ESRRB: variants seen among roughly 807,000 people sequenced by gnomAD.
The protein encoded by ESRRB is estrogen related receptor beta, also known as steroid hormone receptor ERR2.
Under a neutral mutation model 46.0 loss-of-function variants are expected in ESRRB, and 16 were observed. That is an observed-to-expected ratio of 0.35 (90% CI 0.24 to 0.53). The LOEUF is 0.53. Ranked by LOEUF, ESRRB falls within the 20% of genes least tolerant of loss-of-function variation. ESRRB has a pLI of 0.93. For missense variants in ESRRB, 488 were observed against 607.4 expected (o/e 0.80, Z 2.07); for synonymous variants, 246 against 259.6 (o/e 0.95, Z 0.50).
intron 1 of ESRRB, among the ~76,000 whole-genome samples, chr14:76,384,118 T>C (rs1885123616): frequency 1.3e-5 from 2 of 152,284 alleles, no homozygotes; most frequent in Middle Eastern, 3.4e-3. Context: ...CTTTTGATGG[T>C]GAAACAGGAC....
chr14:76,450,032 G>A (rs1190531365), intron 2 of ESRRB, among the ~76,000 whole-genome samples: 1 of 152,026 alleles, frequency 6.6e-6, no homozygotes, highest in East Asian at 1.9e-4. Context: ...GGCTTGCATT[G>A]TAGGGGGAAA....
At chr14:76,426,661 C>T (rs1198498317) in intron 1 of ESRRB, among the ~76,000 whole-genome samples, 1 of 152,108 alleles carries the variant, frequency 6.6e-6, no homozygotes, top group Non-Finnish European at 1.5e-5. Flanking sequence ...TCCTTGAGGA[C>T]AGGGACCCAT....
At chr14:76,343,740 A>G (rs1884218056) in intron 1 of ESRRB, among the ~76,000 whole-genome samples, 2 of 152,236 alleles carry the variant, frequency 1.3e-5, no homozygotes, top group Admixed American at 1.3e-4. Context: ...CTAGCCTTGG[A>G]AATTATGCAT....
At position 76,446,596 on chromosome 14, in the gene ESRRB, A is replaced by T. The variant is rs1161485289; in HGVS notation, c.460+6846A>T. Among the ~76,000 whole-genome samples, 11 of 152,304 alleles carry T rather than the reference A, an allele frequency of 7.2e-5. No homozygotes were observed. In the South Asian group the frequency reaches 2.1e-3, roughly 29 times the overall value. On this transcript the variant is annotated intron_variant, in intron 2 of 6. Coordinates refer to ENST00000644823, the MANE Select transcript of ESRRB (RefSeq NM_001379180.1). ...CCCTGGAGGCATAGAAAAAACAGAC[A>T]TACTTAGGCAAAGCCACCACTCCTA...
intron 1 of ESRRB, among the ~76,000 whole-genome samples, chr14:76,328,749 C>T (rs1415572061): frequency 6.6e-6 from 1 of 152,122 alleles, no homozygotes; most frequent in Non-Finnish European, 1.5e-5. Flanking sequence ...CCTCATGCCT[C>T]CTCTTGCAGA....
intron 6 of ESRRB, among the ~76,000 whole-genome samples, chr14:76,495,081 T>C (rs1248767405): frequency 6.6e-6 from 1 of 151,824 alleles, no homozygotes; most frequent in Non-Finnish European, 1.5e-5. Context: ...CACCCACACA[T>C]ACACACACAT....
intron 1 of ESRRB, among the ~76,000 whole-genome samples, chr14:76,350,867 A>C (rs1318847318): frequency 5.3e-5 from 8 of 152,198 alleles, no homozygotes; most frequent in Admixed American, 5.2e-4. Context: ...CAGGCAGTAC[A>C]TCAGTGACAT....
At chr14:76,350,649 G>T (rs1884302954) in intron 1 of ESRRB, among the ~76,000 whole-genome samples, 1 of 152,198 alleles carries the variant, frequency 6.6e-6, no homozygotes, top group African/African-American at 2.4e-5. Flanking sequence ...GTCTCCCAGA[G>T]CCTGAAGCCC....
intron 1 of ESRRB, among the ~76,000 whole-genome samples, chr14:76,325,886 C>T (rs1447571290): frequency 6.6e-6 from 1 of 152,204 alleles, no homozygotes; most frequent in Non-Finnish European, 1.5e-5. Flanking sequence ...TGAGTGAATT[C>T]CTCTACTGCA....
chr14:76,351,954 G>A (rs10438169), intron 1 of ESRRB, among the ~76,000 whole-genome samples: 2 of 144,526 alleles, frequency 1.4e-5, no homozygotes, highest in African/African-American at 2.6e-5. Context: ...TACTGCACTC[G>A]AGCCTGGGAG....
upstream of ESRRB, among the ~76,000 whole-genome samples, chr14:76,372,581 C>T (rs933105220): frequency 1.3e-5 from 2 of 152,082 alleles, no homozygotes; most frequent in African/African-American, 4.8e-5. Context: ...CCTATAATTC[C>T]AGCACTTTGG....
chr14:76,332,018 C>T (rs922190580), intron 1 of ESRRB, among the ~76,000 whole-genome samples: 2 of 151,946 alleles, frequency 1.3e-5, no homozygotes, highest in Non-Finnish European at 2.9e-5. Flanking sequence ...TCTGTCCCCT[C>T]CCCAACCCCA....
chr14:76,418,109 C>T (rs1191742161), intron 1 of ESRRB, among the ~76,000 whole-genome samples: 3 of 151,934 alleles, frequency 2.0e-5, no homozygotes, highest in Admixed American at 6.6e-5. Flanking sequence ...ACGCCCGCCA[C>T]CATGCGTGGC....
Position 76,321,253 on chromosome 14 carries a change from A to G in ESRRB, c.2+10337A>G, listed in dbSNP as rs113344053. On this transcript the variant is annotated intron_variant, in intron 1 of 6. Coordinates refer to the ESRRB transcript ENST00000512784. ...GAACCCTTGATCTCAGGCCTTCCCTATAGTCTTCCACCCAAATTTCCCAGA... is the reference window on the plus strand; with the variant it reads ...GAACCCTTGATCTCAGGCCTTCCCTGTAGTCTTCCACCCAAATTTCCCAGA... Among the ~76,000 whole-genome samples the G allele has an allele frequency of 9.8e-3, 1,486 of 152,236 alleles. 20 individuals carry two copies. The highest frequency in any genetic ancestry group is 0.031 in the African/African-American group (1,286 of 41,526).
chr14:76,332,768 AT>A (rs1321641637), intron 1 of ESRRB, among the ~76,000 whole-genome samples: 2 of 19,030 alleles, frequency 1.1e-4, no homozygotes, highest in South Asian at 2.5e-3. Context: ...TAAATATATA[AT>A]ATATATTATA....
chr14:76,366,829 G>A (rs1471851357), upstream of ESRRB, among the ~76,000 whole-genome samples: 1 of 152,178 alleles, frequency 6.6e-6, no homozygotes, highest in Non-Finnish European at 1.5e-5. Flanking sequence ...GTAGGTGGGT[G>A]GGTGGATGGT....
chr14:76,320,629 T>C (rs895707532), intron 1 of ESRRB, among the ~76,000 whole-genome samples: 5 of 152,190 alleles, frequency 3.3e-5, no homozygotes, highest in Non-Finnish European at 7.4e-5. Context: ...CAAAAGTAGA[T>C]GCCAACCCCC....
chr14:76,392,718 G>A (rs1595073924), intron 1 of ESRRB, among the ~76,000 whole-genome samples: 1 of 152,386 alleles, frequency 6.6e-6, no homozygotes, highest in East Asian at 1.9e-4. Flanking sequence ...TGGCTCGGGG[G>A]CTGCCACCAG....
chr14:76,403,932 T>A (rs1219959011), intron 1 of ESRRB, among the ~76,000 whole-genome samples: 2 of 152,230 alleles, frequency 1.3e-5, no homozygotes, highest in East Asian at 3.9e-4. Context: ...TTGGCCAGGC[T>A]GGTCCCGAAC....
Sources: gnomAD v4.1 joint callset for allele counts (sites outside exome capture counted in the v4.1 genomes callset) on GRCh38, gnomAD v4.1.1 for gene constraint, MANE v1.5 for transcripts, NCBI Gene and HGNC (gene_info 2026-07-23, HGNC 2026-07-21) for gene names.